The following VPS39 variants were observed in gnomAD, a reference collection of about 807,000 sequenced individuals.
The protein encoded by VPS39 is vam6/Vps39-like protein.
VPS39 carries 70 observed loss-of-function variants against 121.0 expected under a neutral mutation model. That is an observed-to-expected ratio of 0.58 (90% CI 0.48 to 0.71). VPS39 has a LOEUF of 0.71. Ranked by LOEUF, VPS39 falls within the 30% of genes least tolerant of loss-of-function variation. VPS39 has a pLI of 0.00. For missense variants in VPS39, 818 were observed against 1,051.5 expected (o/e 0.78, Z 3.07); for synonymous variants, 378 against 398.1 (o/e 0.95, Z 0.60).
intron 11 of VPS39, among the ~76,000 whole-genome samples, 173 bp from the exon 12 acceptor site, chr15:42,170,039 T>A (rs75802210): frequency 1.3e-5 from 2 of 152,168 alleles, no homozygotes; most frequent in African/African-American, 4.8e-5. Flanking sequence ...GAGCACTTTT[T>A]ATACATATGT....
At chr15:42,184,458 G>A in intron 8 of VPS39, 59 bp downstream of exon 8, 2 of 1,516,144 alleles carry the variant, frequency 1.3e-6, no homozygotes, top group East Asian at 2.3e-5. Flanking sequence ...ACTCCGTTCT[G>A]CAGGAATGGC....
At chr15:42,166,743 CT>C in intron 14 of VPS39, 28 bp downstream of exon 14, 1 of 1,613,438 alleles carries the variant, frequency 6.2e-7, no homozygotes, top group East Asian at 2.2e-5. Context: ...ACAAGAGCCC[CT>C]CCCAGATCCA....
chr15:42,200,007 C>A, intron 1 of VPS39, 46 bp from the exon 2 acceptor site: 1 of 1,530,524 alleles, frequency 6.5e-7, no homozygotes, highest in Non-Finnish European at 8.7e-7. Flanking sequence ...AAAAAACCAG[C>A]TTTGAGAAAG....
chr15:42,194,476 A>G (rs779651799), intron 2 of VPS39, among the ~76,000 whole-genome samples: 6 of 152,160 alleles, frequency 3.9e-5, no homozygotes, highest in Non-Finnish European at 8.8e-5. Context: ...TTCCGTCTCA[A>G]AAAAAAGAAA....
intron 2 of VPS39, chr15:42,199,588 T>C (rs1458106554): frequency 1.1e-5 from 5 of 474,378 alleles, no homozygotes; most frequent in Middle Eastern, 3.2e-4. Context: ...TTTCTTATTA[T>C]TGGTAGTGAG....
At position 42,169,716 on chromosome 15, in the gene VPS39, A is replaced by G. The variant is rs776401032; in HGVS notation, c.1233+8T>C. The G allele has an allele frequency of 3.1e-6, 5 of 1,613,614 alleles. No individual in the cohort carries two copies. The East Asian group carries it at 6.7e-5, about 22-fold the overall frequency. On this transcript the variant is annotated splice_region_variant and intron_variant, in intron 12 of 24. Transcript: ENST00000318006. ...CAAACTCTTTCACGCACTCTGTACT[A>G]TACCTACCTGTGTCAGGTAGTCAAT...
rs2049139069 is a variant in VPS39 at position 42,162,056 on chromosome 15, G to C, written c.2436C>G (p.Asn812Lys). The C allele has an allele frequency of 6.2e-7, 1 of 1,614,088 alleles. No individual in the cohort carries two copies. Among genetic ancestry groups the C allele is most frequent in the African/African-American group, 1.3e-5 (1 of 74,922 alleles). ...QKKRFNQVLK[N>K]LLHAEFLRVQ... ...CCCTCAGGAATTCTGCATGGAGAAG[G>C]TTCTTGAGCACTTGATTGAACCGTT... The change falls in exon 23 of 25, where the codon AAC becomes AAG. Residue 812 changes from asparagine to lysine, a missense_variant. Physicochemically the swap from Asn to Lys is moderately conservative, Grantham distance 94 (BLOSUM62 0). Transcript: ENST00000318006.
intron 2 of VPS39, chr15:42,199,568 A>G (rs761439290): frequency 4.3e-6 from 2 of 464,690 alleles, no homozygotes. Flanking sequence ...GCTTATGCCC[A>G]TTAGTAGTAT....
chr15:42,205,711 A>G (rs2050155419), intron 1 of VPS39, among the ~76,000 whole-genome samples: 1 of 152,216 alleles, frequency 6.6e-6, no homozygotes, highest in African/African-American at 2.4e-5. Flanking sequence ...GTTTCACTCT[A>G]CCTGGTAGAC....
At position 42,169,798 on chromosome 15, in the gene VPS39, G is replaced by T; in HGVS notation, c.1159C>A (p.Pro387Thr). ...PTDYRKQLQY[P>T]NPLPVLSGAE... ...CCGGAGAGCACAGGCAATGGGTTGG[G>T]ATACTGCAACTGCTTTCTGTAGTCT... The change falls in exon 12 of 25, where the codon CCC becomes ACC. Residue 387 changes from proline (P) to threonine (T), a missense_variant. By Grantham distance (38) the Pro-to-Thr change is conservative. Transcript: ENST00000318006. 1 of 1,614,142 alleles carries T rather than the reference G, an allele frequency of 6.2e-7. No homozygotes were observed. Among genetic ancestry groups the T allele is most frequent in the Non-Finnish European group, 8.5e-7 (1 of 1,180,040 alleles).
chr15:42,193,078 C>A (rs1165782985), intron 2 of VPS39, among the ~76,000 whole-genome samples: 1 of 152,184 alleles, frequency 6.6e-6, no homozygotes, highest in East Asian at 1.9e-4. Context: ...CTGCCCCCGG[C>A]CTATAATTCT....
Position 42,166,194 on chromosome 15 carries a change from A to G in VPS39, c.1645T>C (p.Trp549Arg). The G allele has an allele frequency of 6.2e-7, 1 of 1,614,264 alleles. No homozygotes were observed. Among genetic ancestry groups the G allele is most frequent in the Non-Finnish European group, 8.5e-7 (1 of 1,180,046 alleles). ...NLHLIFSYSV[W>R]VLRDFPEDGL... Reference sequence around the variant, plus strand: ...TCTTCTGGGAAGTCTCTCAGCACCCACACTGAGTAGGAGAAAATCAAATGC... The same window carrying G: ...TCTTCTGGGAAGTCTCTCAGCACCCGCACTGAGTAGGAGAAAATCAAATGC... Residue 549 changes from tryptophan to arginine, a missense_variant, in exon 16 of 25, where the codon TGG (tryptophan) becomes CGG (arginine). Transcript: ENST00000318006.
Position 42,173,833 on chromosome 15 carries a change from T to TCAGAATCATCTTTCATTTCCTAATAA in VPS39, c.961-7_979dup (p.Asp327ValfsTer5). Reference sequence around the variant, plus strand: ...ATGAATTTGTTGCTGCTTTTCACTGTCAGAATCATCTTTCATTTCCTAATA... The same window carrying TCAGAATCATCTTTCATTTCCTAATAA: ...ATGAATTTGTTGCTGCTTTTCACTGTCAGAATCATCTTTCATTTCCTAATAACAGAATCATCTTTCATTTCCTAATA... On this transcript the variant is annotated stop_gained and frameshift_variant, in exon 11 of 25. Transcript: ENST00000318006. LOFTEE classifies it high-confidence loss of function. 7.4e-6 allele frequency: 12 copies of TCAGAATCATCTTTCATTTCCTAATAA among 1,614,206 alleles called. No homozygotes were observed. Among genetic ancestry groups the TCAGAATCATCTTTCATTTCCTAATAA allele is most frequent in the Non-Finnish European group, 1.0e-5 (12 of 1,180,012 alleles).
chr15:42,190,955 G>A (rs955508869), intron 4 of VPS39, among the ~76,000 whole-genome samples, 170 bp downstream of exon 4: 1 of 152,178 alleles, frequency 6.6e-6, no homozygotes, highest in Non-Finnish European at 1.5e-5. Context: ...AGAAGAGTTC[G>A]AGTCTATGGA....
rs748975228 is a variant in VPS39 at position 42,158,752 on chromosome 15, T to C, written c.*2002A>G. ...TTTATTATAAGGAGCAGTGATGAGA[T>C]CTTTATCAGTCCTCACTACAAAGCT... On this transcript the variant is annotated 3_prime_UTR_variant, in exon 25 of 25. Coordinates refer to ENST00000318006, the MANE Select transcript of VPS39 (RefSeq NM_015289.5). 4 of 152,222 alleles carry C rather than the reference T, an allele frequency of 2.6e-5. No homozygotes were observed. The highest frequency in any genetic ancestry group is 6.5e-5 in the Admixed American group (1 of 15,280). The allele number at this position is 152,222 out of a possible 1,614,324, so 9.4% of individuals were successfully genotyped here.
intron 10 of VPS39, among the ~76,000 whole-genome samples, 170 bp from the exon 11 acceptor site, chr15:42,174,022 C>T (rs956925372): frequency 3.9e-5 from 6 of 152,062 alleles, no homozygotes; most frequent in East Asian, 1.9e-4. Context: ...CCGAGGCGGG[C>T]GGATCACAAG....
chr15:42,187,966 T>C (rs2049740038), intron 5 of VPS39, 110 bp from the exon 6 acceptor site: 1 of 979,430 alleles, frequency 1.0e-6, no homozygotes, highest in South Asian at 1.4e-5. Flanking sequence ...GAAAATTCCC[T>C]GTAACACAGT....
intron 6 of VPS39, 51 bp downstream of exon 6, chr15:42,187,707 G>T: frequency 6.5e-7 from 1 of 1,540,162 alleles, no homozygotes; most frequent in Non-Finnish European, 9.0e-7. Flanking sequence ...CTAGAACCGA[G>T]CCACTGCAGC....
chr15:42,186,068 C>T (rs1566903534), intron 7 of VPS39, among the ~76,000 whole-genome samples: 2 of 152,042 alleles, frequency 1.3e-5, no homozygotes, highest in Non-Finnish European at 1.5e-5. Context: ...GCAGTGACTC[C>T]TCCAGGAGTC....
Sources: allele counts gnomAD v4.1 joint callset (sites outside exome capture counted in the v4.1 genomes callset), GRCh38; gene constraint gnomAD v4.1.1; transcripts MANE v1.5; gene names NCBI Gene and HGNC (gene_info 2026-07-23, HGNC 2026-07-21).